SPAG16: variants seen among roughly 807,000 people sequenced by gnomAD.
SPAG16 encodes sperm-associated antigen 16 protein.
SPAG16 carries 86 observed loss-of-function variants against 80.4 expected under a neutral mutation model. The ratio of observed to expected loss-of-function variants is 1.07; its 90% CI spans 0.90 to 1.28. The LOEUF is 1.28. Among genes scored for constraint, SPAG16 ranks in the 50% most tolerant of loss-of-function variants. The pLI is 0.00. For missense variants in SPAG16, 870 were observed against 765.3 expected, an observed-to-expected ratio of 1.14 and a Z score of -1.61; for synonymous variants, 294 against 265.9, an observed-to-expected ratio of 1.11 and a Z score of -1.03.
chr2:213,611,937 C>A (rs1008420860), intron 10 of SPAG16, among the ~76,000 whole-genome samples: 1 of 152,074 alleles, frequency 6.6e-6, no homozygotes, highest in Non-Finnish European at 1.5e-5. Flanking sequence ...TCTCCACAAT[C>A]AATATTTTTT....
intron 15 of SPAG16, among the ~76,000 whole-genome samples, chr2:214,345,150 C>G (rs1221823912): frequency 1.3e-5 from 2 of 152,106 alleles, no homozygotes; most frequent in African/African-American, 4.8e-5. Context: ...CTTCCCTAAC[C>G]CAGTCTTCCT....
chr2:214,325,022 C>T (rs1483454122), intron 15 of SPAG16, among the ~76,000 whole-genome samples: 2 of 152,102 alleles, frequency 1.3e-5, no homozygotes, highest in Admixed American at 6.5e-5. Flanking sequence ...CCCATAATAT[C>T]AGAAAAAATA....
At chr2:214,153,308 T>C (rs2056067136) in intron 15 of SPAG16, among the ~76,000 whole-genome samples, 1 of 152,146 alleles carries the variant, frequency 6.6e-6, no homozygotes. Flanking sequence ...CCTCAGCTCC[T>C]ATCTCTGTAT....
intron 15 of SPAG16, among the ~76,000 whole-genome samples, chr2:214,284,087 T>C (rs939529477): frequency 2.6e-5 from 4 of 152,206 alleles, no homozygotes; most frequent in Non-Finnish European, 5.9e-5. Context: ...CATTCTTAAG[T>C]AGAGATTTCA....
chr2:213,445,974 GA>G (rs2071285038), intron 9 of SPAG16, among the ~76,000 whole-genome samples: 1 of 152,162 alleles, frequency 6.6e-6, no homozygotes, highest in African/African-American at 2.4e-5. Flanking sequence ...CACAGCCCAG[GA>G]GTGCTCAGCT....
At chr2:214,381,589 T>C (rs1225544149) in intron 15 of SPAG16, among the ~76,000 whole-genome samples, 4 of 152,248 alleles carry the variant, frequency 2.6e-5, no homozygotes, top group Non-Finnish European at 5.9e-5. Context: ...AAATTGTTGA[T>C]GCATTCTTCA....
intron 10 of SPAG16, among the ~76,000 whole-genome samples, chr2:213,680,659 A>G (rs2064334062): frequency 6.6e-6 from 1 of 152,174 alleles, no homozygotes; most frequent in Non-Finnish European, 1.5e-5. Context: ...TTGTCAACAA[A>G]AAGAGTCAAA....
At chr2:214,332,738 T>C (rs948169939) in intron 15 of SPAG16, among the ~76,000 whole-genome samples, 3 of 152,184 alleles carry the variant, frequency 2.0e-5, no homozygotes, top group Non-Finnish European at 4.4e-5. Context: ...CTTTTTATCT[T>C]TTTAAGGGTG....
intron 10 of SPAG16, among the ~76,000 whole-genome samples, chr2:213,498,876 C>T (rs965249946): frequency 2.0e-5 from 3 of 152,120 alleles, no homozygotes; most frequent in Non-Finnish European, 2.9e-5. Flanking sequence ...CAGTCATTCA[C>T]GTCTGTCAAA....
chr2:213,680,795 A>G (rs111521007), intron 10 of SPAG16, among the ~76,000 whole-genome samples: 1,985 of 152,266 alleles, frequency 0.013, 19 homozygotes, highest in South Asian at 0.036. Context: ...GGTTTTATAT[A>G]TTTTTAGGGA....
In SPAG16 at chr2:214,357,111, A is replaced by G. The variant is rs1698863051; in HGVS notation, c.1721-53029A>G. On this transcript the variant is annotated intron_variant, in intron 15 of 15. Transcript: ENST00000331683. ...TTATGGAGATATCACTTTTAATCTAATAGTCACCCCTTGAATGGTCCCTGT... is the reference window on the plus strand; with the variant it reads ...TTATGGAGATATCACTTTTAATCTAGTAGTCACCCCTTGAATGGTCCCTGT... Among the ~76,000 whole-genome samples the G allele has an allele frequency of 5.3e-5, 8 of 151,956 alleles. No homozygotes were observed. In the South Asian group the frequency reaches 1.7e-3, roughly 31 times the overall value.
chr2:213,339,870 G>GTT (rs921103581), intron 5 of SPAG16, among the ~76,000 whole-genome samples: 11 of 151,946 alleles, frequency 7.2e-5, no homozygotes, highest in Non-Finnish European at 1.5e-5. Flanking sequence ...GAAATAGATG[G>GTT]TTTATACTTT....
rs546219227 is a variant in SPAG16, at chr2:213,916,333, G to A, written c.1215-13627G>A. ...ATCCAGTTTCACTTCTCTGCATATG[G>A]CTAGCCAGTTTTCCCAACATCATTT... is the stretch of plus-strand genomic sequence containing the variant. On this transcript the variant is annotated intron_variant, in intron 11 of 15. Transcript: ENST00000331683. 3.9e-5 allele frequency among the ~76,000 whole-genome samples: 6 copies of A among 152,234 alleles called. No individual in the cohort carries two copies. The East Asian group carries it at 7.7e-4, about 20-fold the overall frequency.
At chr2:213,345,941 G>T (rs1279237986) in intron 6 of SPAG16, among the ~76,000 whole-genome samples, 1 of 152,170 alleles carries the variant, frequency 6.6e-6, no homozygotes, top group Non-Finnish European at 1.5e-5. Flanking sequence ...GCCTGATAGG[G>T]ATGGCATTGA....
intron 10 of SPAG16, among the ~76,000 whole-genome samples, chr2:213,719,077 C>T (rs1231910204): frequency 6.6e-6 from 1 of 152,076 alleles, no homozygotes; most frequent in Non-Finnish European, 1.5e-5. Flanking sequence ...TCTAGCTGCT[C>T]TGGTGAGGAC....
In SPAG16 at chr2:214,253,069, A is replaced by G. The variant is rs1000115594; in HGVS notation, c.1720+103803A>G. ...CCAGTGATGATGAGCTTTTTTTCATATGTTTGTTGGCTGCATAAATGTCTT... is the reference window on the plus strand; with the variant it reads ...CCAGTGATGATGAGCTTTTTTTCATGTGTTTGTTGGCTGCATAAATGTCTT... On this transcript the variant is annotated intron_variant, in intron 15 of 15. Transcript: ENST00000331683. Among the ~76,000 whole-genome samples the G allele has an allele frequency of 2.1e-4, 30 of 140,684 alleles. 1 individual carries two copies. The highest frequency in any genetic ancestry group is 3.6e-4 in the Admixed American group (5 of 13,758). The allele number at this position is 140,684 out of a possible 152,430, so 92.3% of individuals were successfully genotyped here.
intron 9 of SPAG16, among the ~76,000 whole-genome samples, chr2:213,402,416 A>G (rs944142702): frequency 6.6e-6 from 1 of 151,854 alleles, no homozygotes; most frequent in Non-Finnish European, 1.5e-5. Flanking sequence ...ATTTATTTAT[A>G]GTTTTTTTTA....
chr2:214,237,338 G>T (rs1237873507), intron 15 of SPAG16, among the ~76,000 whole-genome samples: 1 of 151,672 alleles, frequency 6.6e-6, no homozygotes, highest in Non-Finnish European at 1.5e-5. Context: ...AAAAAACACA[G>T]ATCTTAATTC....
At chr2:213,881,407 A>G (rs1461195705) in intron 11 of SPAG16, among the ~76,000 whole-genome samples, 1 of 152,236 alleles carries the variant, frequency 6.6e-6, no homozygotes, top group Admixed American at 6.5e-5. Flanking sequence ...TCATATAGTC[A>G]GTGAAGAGAG....
Sources: allele counts gnomAD v4.1 joint callset (sites outside exome capture counted in the v4.1 genomes callset), GRCh38; gene constraint gnomAD v4.1.1; transcripts MANE v1.5; gene names NCBI Gene and HGNC (gene_info 2026-07-23, HGNC 2026-07-21).